Variants in CAP2 observed in about 807,000 individuals in gnomAD.
CAP2 encodes cyclase associated actin cytoskeleton regulatory protein 2.
A neutral mutation model predicts 57.7 loss-of-function variants in CAP2; 24 were observed. The observed-to-expected ratio is 0.42, with a 90% CI of 0.30 to 0.58. The LOEUF is 0.58. Among genes scored for constraint, CAP2 ranks in the 20% least tolerant of loss-of-function variants. The probability of loss-of-function intolerance (pLI) is 0.22; values close to 1 mark genes in which losing one functional copy is unlikely to be tolerated. For synonymous variants in CAP2, 194 were observed against 207.2 expected, an observed-to-expected ratio of 0.94 and a Z score of 0.55; for missense variants, 501 against 590.3, an observed-to-expected ratio of 0.85 and a Z score of 1.57.
At chr6:17,538,794 T>G (rs1030130162) in intron 7 of CAP2, among the ~76,000 whole-genome samples, 2 of 152,246 alleles carry the variant, frequency 1.3e-5, no homozygotes, top group Admixed American at 1.3e-4. Context: ...TCTCTTTCAC[T>G]GCTTAAAAAG....
At chr6:17,468,124 T>G (rs144490791) in intron 4 of CAP2, among the ~76,000 whole-genome samples, 5 of 152,250 alleles carry the variant, frequency 3.3e-5, no homozygotes, top group African/African-American at 1.2e-4. Context: ...GTTCTATCCA[T>G]GTTGAATTTT....
chr6:17,425,926 C>A (rs1050010278), intron 2 of CAP2, among the ~76,000 whole-genome samples: 4 of 152,000 alleles, frequency 2.6e-5, no homozygotes, highest in Non-Finnish European at 4.4e-5. Flanking sequence ...GAGACCCTGT[C>A]TCTACAAAAA....
At position 17,507,739 on chromosome 6, in the gene CAP2, C is replaced by G. The variant is rs757590490; in HGVS notation, c.530+13C>G. ...ACTACAAACACAGGTACGTACCTTC[C>G]TTTACTCACCAAATTTTCAGTTGAT... is the stretch of plus-strand genomic sequence containing the variant. On this transcript the variant is annotated intron_variant, in intron 6 of 12. Coordinates refer to ENST00000229922, the MANE Select transcript of CAP2 (RefSeq NM_006366.3). 1.4e-6 allele frequency: 2 copies of G among 1,445,172 alleles called. No individual in the cohort carries two copies. The highest frequency in any genetic ancestry group is 1.2e-5 in the South Asian group (1 of 86,272). The allele number at this position is 1,445,172 out of a possible 1,614,324, so 89.5% of individuals were successfully genotyped here.
In CAP2 at chr6:17,480,156, G is replaced by A. The variant is rs138323119; in HGVS notation, c.300+17083G>A. Among the ~76,000 whole-genome samples the A allele has an allele frequency of 4.5e-3, 688 of 152,104 alleles. 5 individuals are homozygous for A. Among genetic ancestry groups the A allele is most frequent in the African/African-American group, 0.016 (646 of 41,492 alleles). On this transcript the variant is annotated intron_variant, in intron 4 of 12. Transcript: ENST00000229922. Reference sequence around the variant, plus strand: ...CAAATCAGGAATGCTGCCATAATCCGTTGCCTATGCAATCAGTTCCAGACT... The same window carrying A: ...CAAATCAGGAATGCTGCCATAATCCATTGCCTATGCAATCAGTTCCAGACT...
intron 4 of CAP2, among the ~76,000 whole-genome samples, chr6:17,483,043 A>G (rs1056788940): frequency 2.0e-5 from 3 of 152,196 alleles, no homozygotes; most frequent in Admixed American, 6.5e-5. Flanking sequence ...TCTCTTTGGA[A>G]GCTTTCATCG....
rs563513304 is a variant in CAP2, at chr6:17,546,558, A to G, written c.1209+3415A>G. On this transcript the variant is annotated intron_variant, in intron 11 of 12. Coordinates refer to ENST00000229922, the MANE Select transcript of CAP2 (RefSeq NM_006366.3). The stretch of plus-strand genomic sequence containing the variant: ...AAGCTCTTTAGTTTAATTAGATCCC[A>G]TTTGTCAATTTTGGCTTTTGTTGCC... Among the ~76,000 whole-genome samples the G allele has an allele frequency of 2.2e-3, 341 of 152,126 alleles. 3 individuals carry two copies. Among genetic ancestry groups the G allele is most frequent in the African/African-American group, 7.2e-3 (298 of 41,506 alleles).
intron 7 of CAP2, among the ~76,000 whole-genome samples, chr6:17,524,869 A>G (rs1163778941): frequency 3.4e-5 from 5 of 148,830 alleles, no homozygotes; most frequent in African/African-American, 1.2e-4. Context: ...TAAATATTTT[A>G]GAGTATTTCT....
At chr6:17,424,349 G>A (rs963322620) in intron 2 of CAP2, among the ~76,000 whole-genome samples, 1 of 152,106 alleles carries the variant, frequency 6.6e-6, no homozygotes, top group Non-Finnish European at 1.5e-5. Context: ...GCAGTGAGCC[G>A]AGATCGCGCC....
intron 4 of CAP2, among the ~76,000 whole-genome samples, chr6:17,489,658 C>G (rs1205204018): frequency 1.3e-5 from 2 of 152,002 alleles, no homozygotes; most frequent in South Asian, 2.1e-4. Context: ...CTCTGCTTGC[C>G]TGTTTGGATT....
In CAP2 at chr6:17,461,992, C is replaced by CAAAAAAAAAAAAAAAAAAAAAAAAAA. The variant is rs567675285; in HGVS notation, c.223-998_223-973dup. Among the ~76,000 whole-genome samples the CAAAAAAAAAAAAAAAAAAAAAAAAAA allele has an allele frequency of 1.8e-4, 5 of 27,862 alleles. 1 individual carries two copies. The highest frequency in any genetic ancestry group is 5.5e-4 in the Admixed American group (1 of 1,822). 18.3% of individuals were successfully genotyped at this position (27,862 alleles called of 152,430 possible). A position where few individuals can be genotyped will look rare whatever the true frequency, so the allele number is the denominator to read the frequency against. On this transcript the variant is annotated intron_variant, in intron 3 of 12. Coordinates refer to ENST00000229922, the MANE Select transcript of CAP2 (RefSeq NM_006366.3). ...TGGGCAACAGGGCGAGACTCCGTCTCAAAAAAAAAAAAAAAAAAAAAAAAA... is the reference window on the plus strand; with the variant it reads ...TGGGCAACAGGGCGAGACTCCGTCTCAAAAAAAAAAAAAAAAAAAAAAAAAAAAAAAAAAAAAAAAAAAAAAAAAAA...
In CAP2 at chr6:17,496,977, T is replaced by C. The variant is rs764032454; in HGVS notation, c.301-10192T>C. Among the ~76,000 whole-genome samples, 14 of 152,188 alleles carry C rather than the reference T, an allele frequency of 9.2e-5. No individual in the cohort carries two copies. In the South Asian group the frequency reaches 1.4e-3, roughly 16 times the overall value. ...GGCTGGGAACTTCAAATGGTGGATT[T>C]GGTAGTTTAAACTGAGATTTATCAT... On this transcript the variant is annotated intron_variant, in intron 4 of 12. Coordinates refer to ENST00000229922, the MANE Select transcript of CAP2 (RefSeq NM_006366.3).
At chr6:17,510,954 A>G (rs900218954) in intron 6 of CAP2, among the ~76,000 whole-genome samples, 2 of 152,232 alleles carry the variant, frequency 1.3e-5, no homozygotes, top group African/African-American at 4.8e-5. Context: ...CTCCCCAGGT[A>G]GCAGCATAGT....
At chr6:17,515,296 T>C (rs1290182648) in intron 7 of CAP2, among the ~76,000 whole-genome samples, 1 of 152,162 alleles carries the variant, frequency 6.6e-6, no homozygotes, top group Non-Finnish European at 1.5e-5. Flanking sequence ...AACAAAATCA[T>C]GTCCTTTGCA....
At chr6:17,454,708 T>C (rs1760509099) in intron 3 of CAP2, among the ~76,000 whole-genome samples, 1 of 152,242 alleles carries the variant, frequency 6.6e-6, no homozygotes, top group Non-Finnish European at 1.5e-5. Context: ...GTCTTGCTGA[T>C]ATGTTTCAAA....
chr6:17,405,967 C>A (rs1758953822), intron 1 of CAP2, among the ~76,000 whole-genome samples: 1 of 152,068 alleles, frequency 6.6e-6, no homozygotes. Context: ...TCGTGAACTC[C>A]TGGGCTCAAG....
chr6:17,542,928 A>G lies in CAP2; in HGVS notation c.1094A>G (p.Gln365Arg), dbSNP rs763967309. The G allele has an allele frequency of 5.6e-6, 9 of 1,613,760 alleles. No homozygotes were observed. Among genetic ancestry groups the G allele is most frequent in the Admixed American group, 1.7e-5 (1 of 60,024 alleles). Residue 365 changes from glutamine to arginine, a missense_variant, in exon 10 of 13, where the codon CAG becomes CGG. By Grantham distance (43) the Gln-to-Arg change is conservative. Transcript: ENST00000229922. ...YIFKCEKSTIQIKGKVNSIII... is the reference protein window; with the variant it reads ...YIFKCEKSTIRIKGKVNSIII... ...TTCAAATGCGAAAAATCAACTATTC[A>G]GATAAAAGGGAAAGTAAACTCCATT...
intron 1 of CAP2, among the ~76,000 whole-genome samples, chr6:17,400,240 CAT>C (rs1561769480): frequency 2.0e-5 from 3 of 152,006 alleles, no homozygotes; most frequent in African/African-American, 4.8e-5. Context: ...CACACACACA[CAT>C]ACACACACAA....
chr6:17,449,110 C>T (rs956867342), intron 3 of CAP2, among the ~76,000 whole-genome samples: 10 of 152,044 alleles, frequency 6.6e-5, no homozygotes, highest in Non-Finnish European at 8.8e-5. Flanking sequence ...CGTGTTACAC[C>T]GTAATTGATT....
intron 1 of CAP2, among the ~76,000 whole-genome samples, chr6:17,396,592 C>T (rs1305669027): frequency 3.3e-5 from 5 of 152,076 alleles, no homozygotes; most frequent in Non-Finnish European, 1.5e-5. Flanking sequence ...ATGTCCAGAC[C>T]AAGGAAATGT....
Sources: gnomAD v4.1 joint callset for allele counts (sites outside exome capture counted in the v4.1 genomes callset) on GRCh38, gnomAD v4.1.1 for gene constraint, MANE v1.5 for transcripts, NCBI Gene and HGNC (gene_info 2026-07-23, HGNC 2026-07-21) for gene names.